The following QTGAL variants were observed in gnomAD, a reference collection of about 807,000 sequenced individuals.
QTGAL encodes queuosine-tRNA galactosyltransferase.
the QTGAL span, among the ~76,000 whole-genome samples, chr17:82,955,956 C>T: frequency 2.7e-5 from 4 of 147,076 alleles, no homozygotes; most frequent in African/African-American, 1.0e-4. Context: ...AGTGAGAACA[C>T]ATGGACACAG....
the QTGAL span, among the ~76,000 whole-genome samples, chr17:83,031,766 G>A: frequency 6.6e-6 from 1 of 152,206 alleles, no homozygotes; most frequent in Non-Finnish European, 1.5e-5. Context: ...GTGAAGATCT[G>A]TTTAAACCGT....
At chr17:83,002,879 G>GCCCGCCCT in the QTGAL span, among the ~76,000 whole-genome samples, 599 of 64,522 alleles carry the variant, frequency 9.3e-3, 50 homozygotes, top group African/African-American at 0.041. Flanking sequence ...GGATTCCTGA[G>GCCCGCCCT]CCCGCCCTCC....
At chr17:82,970,562 AC>A in the QTGAL span, among the ~76,000 whole-genome samples, 28 of 129,400 alleles carry the variant, frequency 2.2e-4, 2 homozygotes, top group East Asian at 1.2e-3. Flanking sequence ...CGTGGCCGCG[AC>A]CTCCGCACCC....
chr17:83,031,449 G>A, the QTGAL span, among the ~76,000 whole-genome samples: 3 of 143,742 alleles, frequency 2.1e-5, no homozygotes, highest in South Asian at 2.1e-4. Flanking sequence ...GTTTTCCAGC[G>A]GGGAAGGGTG....
At chr17:83,048,609 C>T in the QTGAL span, 72 of 1,605,804 alleles carry the variant, frequency 4.5e-5, no homozygotes, top group South Asian at 3.3e-4. Context: ...AACTTCCCTC[C>T]GAACAGTCAA....
chr17:82,957,457 C>G, the QTGAL span: 3 of 1,610,778 alleles, frequency 1.9e-6, no homozygotes, highest in Middle Eastern at 1.7e-4. Flanking sequence ...AGGGCCTGCT[C>G]TTCCAGGAAG....
the QTGAL span, among the ~76,000 whole-genome samples, chr17:82,995,873 T>C: frequency 1.6e-4 from 24 of 151,602 alleles, no homozygotes; most frequent in Non-Finnish European, 3.5e-4. Flanking sequence ...TCATTTACAA[T>C]AGTGATAACT....
the QTGAL span, chr17:83,048,743 C>T: frequency 1.5e-5 from 25 of 1,614,012 alleles, no homozygotes; most frequent in South Asian, 1.1e-4. Context: ...CTCAAACATT[C>T]GTCCAGCCAC....
chr17:83,035,465 G>A, the QTGAL span, among the ~76,000 whole-genome samples: 5 of 152,062 alleles, frequency 3.3e-5, no homozygotes, highest in Non-Finnish European at 4.4e-5. Context: ...CACCGCACCC[G>A]CCCAATATAC....
the QTGAL span, among the ~76,000 whole-genome samples, chr17:82,992,050 G>A: frequency 3.3e-5 from 5 of 152,104 alleles, no homozygotes; most frequent in African/African-American, 1.2e-4. Context: ...AATGAAGCAT[G>A]CCTACAATAT....
chr17:83,035,041 C>T, the QTGAL span: 1 of 1,608,166 alleles, frequency 6.2e-7, no homozygotes, highest in Non-Finnish European at 8.5e-7. Context: ...TTACCGAATC[C>T]AAAAAGCAAA....
chr17:83,011,728 A>G, the QTGAL span, among the ~76,000 whole-genome samples: 1 of 152,370 alleles, frequency 6.6e-6, no homozygotes, highest in Non-Finnish European at 1.5e-5. Context: ...CAAGTGCACA[A>G]CAGAGCATCA....
At chr17:82,974,614 G>A in the QTGAL span, among the ~76,000 whole-genome samples, 1 of 152,142 alleles carries the variant, frequency 6.6e-6, no homozygotes, top group Non-Finnish European at 1.5e-5. Context: ...ATGACCCTCT[G>A]ACTGCTTGTG....
chr17:83,027,559 G>A, the QTGAL span, among the ~76,000 whole-genome samples: 205 of 151,992 alleles, frequency 1.3e-3, 7 homozygotes, highest in East Asian at 0.035. Flanking sequence ...AAGAGGGGCC[G>A]GGCACGGTGG....
chr17:82,958,636 G>C, the QTGAL span, among the ~76,000 whole-genome samples: 1 of 152,184 alleles, frequency 6.6e-6, no homozygotes, highest in African/African-American at 2.4e-5. Context: ...GGTCCCCTCT[G>C]TCAGCTCAGG....
the QTGAL span, among the ~76,000 whole-genome samples, chr17:83,011,887 C>T: frequency 6.6e-6 from 1 of 152,122 alleles, no homozygotes; most frequent in Admixed American, 6.5e-5. Flanking sequence ...TGAACACACG[C>T]CACGAACTCC....
At chr17:82,997,770 C>G in the QTGAL span, among the ~76,000 whole-genome samples, 2 of 151,952 alleles carry the variant, frequency 1.3e-5, no homozygotes, top group Non-Finnish European at 2.9e-5. Flanking sequence ...AAGCCAGACA[C>G]AGAAAGACAA....
chr17:82,966,111 G>C, the QTGAL span, among the ~76,000 whole-genome samples: 3 of 137,250 alleles, frequency 2.2e-5, no homozygotes, highest in East Asian at 4.2e-4. Context: ...AGAGATGTTT[G>C]TCACTCTGTT....
At chr17:83,030,007 C>T in the QTGAL span, among the ~76,000 whole-genome samples, 25 of 152,270 alleles carry the variant, frequency 1.6e-4, no homozygotes, top group Non-Finnish European at 2.8e-4. Context: ...CTCAGTTAGT[C>T]GCTACCCACG....
Sources: gnomAD v4.1 joint callset for allele counts (sites outside exome capture counted in the v4.1 genomes callset) on GRCh38, gnomAD v4.1.1 for gene constraint, MANE v1.5 for transcripts, NCBI Gene and HGNC (gene_info 2026-07-23, HGNC 2026-07-21) for gene names.